The following WWOX variants were observed in gnomAD, a reference collection of about 807,000 sequenced individuals.
The protein encoded by WWOX is WW domain containing oxidoreductase, also known as WW domain-containing oxidoreductase.
A neutral mutation model predicts 46.2 loss-of-function variants in WWOX; 69 were observed. The ratio of observed to expected loss-of-function variants is 1.49; its 90% CI spans 1.23 to 1.82. The LOEUF (loss-of-function observed/expected upper bound fraction) is 1.82. Among genes scored for constraint, WWOX ranks in the 40% most tolerant of loss-of-function variants. The probability of loss-of-function intolerance (pLI) is 0.00; values close to 1 mark genes in which losing one functional copy is unlikely to be tolerated. For synonymous variants in WWOX, 359 were observed against 202.6 expected, an observed-to-expected ratio of 1.77 and a Z score of -6.56; for missense variants, 919 against 542.6, an observed-to-expected ratio of 1.69 and a Z score of -6.89.
At chr16:78,593,976 C>G (rs1258940479) in intron 8 of WWOX, among the ~76,000 whole-genome samples, 1 of 152,200 alleles carries the variant, frequency 6.6e-6, no homozygotes, top group Non-Finnish European at 1.5e-5. Flanking sequence ...TTATATCCAA[C>G]TTGTGTAATT....
chr16:78,808,037 C>A (rs1272257467), intron 8 of WWOX, among the ~76,000 whole-genome samples: 7 of 152,198 alleles, frequency 4.6e-5, no homozygotes, highest in Non-Finnish European at 1.0e-4. Context: ...AATGTCCCAT[C>A]TTTCCCCACA....
chr16:78,472,949 G>C (rs1454588857), intron 8 of WWOX, among the ~76,000 whole-genome samples: 1 of 152,134 alleles, frequency 6.6e-6, no homozygotes, highest in African/African-American at 2.4e-5. Context: ...AAGCAAACTA[G>C]GGCCCTTGGG....
intron 5 of WWOX, among the ~76,000 whole-genome samples, chr16:78,277,699 G>C (rs577865432): frequency 6.6e-6 from 1 of 152,194 alleles, no homozygotes; most frequent in South Asian, 2.1e-4. Flanking sequence ...TTGTGGGGCC[G>C]TTTCATGTTT....
intron 8 of WWOX, among the ~76,000 whole-genome samples, chr16:79,054,233 T>G (rs1425204625): frequency 6.6e-6 from 1 of 152,244 alleles, no homozygotes; most frequent in Non-Finnish European, 1.5e-5. Flanking sequence ...CTTTCAGAGA[T>G]AATAAAAGGA....
At chr16:78,827,528 G>T (rs1485552263) in intron 8 of WWOX, among the ~76,000 whole-genome samples, 6 of 152,082 alleles carry the variant, frequency 3.9e-5, no homozygotes, top group South Asian at 2.1e-4. Context: ...GGAGCTGGAA[G>T]AGTGAGGTCT....
At chr16:78,576,970 C>G (rs1445211309) in intron 8 of WWOX, among the ~76,000 whole-genome samples, 5 of 152,182 alleles carry the variant, frequency 3.3e-5, no homozygotes, top group African/African-American at 1.2e-4. Context: ...ATCTTCACTC[C>G]ATGTAATTAG....
intron 8 of WWOX, among the ~76,000 whole-genome samples, chr16:78,522,717 CAG>C (rs2043375997): frequency 1.3e-5 from 2 of 152,238 alleles, no homozygotes; most frequent in Non-Finnish European, 2.9e-5. Flanking sequence ...AAGGTTACAA[CAG>C]AGGAGCTCTG....
intron 8 of WWOX, among the ~76,000 whole-genome samples, chr16:78,969,083 G>A (rs915363234): frequency 6.6e-6 from 1 of 152,066 alleles, no homozygotes; most frequent in Non-Finnish European, 1.5e-5. Flanking sequence ...TTAGAGACCT[G>A]GCGTATAATT....
chr16:78,277,276 T>A (rs1367541008), intron 5 of WWOX, among the ~76,000 whole-genome samples: 1 of 152,228 alleles, frequency 6.6e-6, no homozygotes, highest in Non-Finnish European at 1.5e-5. Context: ...TTCCTCAGCA[T>A]TCTGTAGATT....
At chr16:78,153,907 A>C (rs1444353166) in intron 4 of WWOX, among the ~76,000 whole-genome samples, 4 of 152,022 alleles carry the variant, frequency 2.6e-5, no homozygotes, top group African/African-American at 9.7e-5. Context: ...CTTAGCTCCT[A>C]CCTCTGTGGG....
intron 8 of WWOX, among the ~76,000 whole-genome samples, chr16:78,654,641 C>G (rs2047040680): frequency 6.6e-6 from 1 of 151,086 alleles, no homozygotes; most frequent in Non-Finnish European, 1.5e-5. Flanking sequence ...ATACCTTTCT[C>G]TCTCTCTCTC....
At chr16:78,249,569 C>T (rs1567457018) in intron 5 of WWOX, among the ~76,000 whole-genome samples, 1 of 152,198 alleles carries the variant, frequency 6.6e-6, no homozygotes, top group African/African-American at 2.4e-5. Flanking sequence ...AATGTGGCAG[C>T]AGCCTCGGCT....
At chr16:78,957,490 G>T (rs1173829417) in intron 8 of WWOX, among the ~76,000 whole-genome samples, 1 of 152,192 alleles carries the variant, frequency 6.6e-6, no homozygotes, top group African/African-American at 2.4e-5. Flanking sequence ...GTTTGGGGCT[G>T]AGACACCAGA....
chr16:78,909,754 G>A (rs1325791947), intron 8 of WWOX, among the ~76,000 whole-genome samples: 2 of 152,186 alleles, frequency 1.3e-5, no homozygotes, highest in Non-Finnish European at 2.9e-5. Context: ...GAACAGGGAG[G>A]TTGTTCCATG....
chr16:78,992,206 T>G (rs1476661997), intron 8 of WWOX, among the ~76,000 whole-genome samples: 1 of 152,198 alleles, frequency 6.6e-6, no homozygotes, highest in Non-Finnish European at 1.5e-5. Context: ...ACGATGTCAC[T>G]ATTCTTCTAG....
chr16:78,770,664 C>A lies in WWOX; in HGVS notation c.1056+337912C>A, dbSNP rs189248161. 3.6e-3 allele frequency among the ~76,000 whole-genome samples: 550 copies of A among 151,744 alleles called. 7 individuals carry two copies. Among genetic ancestry groups the A allele is most frequent in the South Asian group, 0.018 (84 of 4,748 alleles). ...GTGCCGGGAAACTCCCGCCCCCTCC[C>A]CCCCTCCCCGAAGTGAACCGCCCAC... On this transcript the variant is annotated intron_variant, in intron 8 of 8. Coordinates refer to ENST00000566780, the MANE Select transcript of WWOX (RefSeq NM_016373.4).
intron 8 of WWOX, among the ~76,000 whole-genome samples, chr16:78,788,959 A>G (rs2050524633): frequency 6.6e-6 from 1 of 152,204 alleles, no homozygotes; most frequent in Admixed American, 6.5e-5. Context: ...TATATTTTGG[A>G]AACTAGACCC....
chr16:78,183,589 T>C (rs756264955), intron 5 of WWOX, among the ~76,000 whole-genome samples: 6 of 152,214 alleles, frequency 3.9e-5, no homozygotes, highest in Non-Finnish European at 8.8e-5. Flanking sequence ...AACCGTAGGA[T>C]GCTTGTCAGG....
intron 5 of WWOX, among the ~76,000 whole-genome samples, chr16:78,235,466 G>T (rs2037404575): frequency 6.6e-6 from 1 of 152,168 alleles, no homozygotes; most frequent in Non-Finnish European, 1.5e-5. Context: ...GCAGAACCCT[G>T]ACAATCCTTG....
Sources: gnomAD v4.1 joint callset for allele counts (sites outside exome capture counted in the v4.1 genomes callset) on GRCh38, gnomAD v4.1.1 for gene constraint, MANE v1.5 for transcripts, NCBI Gene and HGNC (gene_info 2026-07-23, HGNC 2026-07-21) for gene names.